ATIC: variants seen among roughly 807,000 people sequenced by gnomAD.
ATIC encodes 5-aminoimidazole-4-carboxamide ribonucleotide formyltransferase/IMP cyclohydrolase, also known as bifunctional purine biosynthesis protein ATIC.
Under a neutral mutation model 72.5 loss-of-function variants are expected in ATIC, and 64 were observed. The ratio of observed to expected loss-of-function variants is 0.88; its 90% CI spans 0.72 to 1.09. ATIC has a LOEUF of 1.09. Among genes scored for constraint, ATIC ranks in the 50% least tolerant of loss-of-function variants. The pLI, the probability that ATIC is intolerant of heterozygous loss-of-function variation, is 0.00. For synonymous variants in ATIC, 281 were observed against 267.1 expected, an observed-to-expected ratio of 1.05 and a Z score of -0.51; for missense variants, 787 against 732.4, an observed-to-expected ratio of 1.07 and a Z score of -0.86.
chr2:215,318,512 A>G (rs535034335), intron 3 of ATIC, among the ~76,000 whole-genome samples: 3 of 152,316 alleles, frequency 2.0e-5, no homozygotes, highest in Non-Finnish European at 2.9e-5. Flanking sequence ...GTTGCTGAAG[A>G]TATTTAGATT....
the ATIC span, chr2:215,365,461 G>T: frequency 6.3e-7 from 1 of 1,598,498 alleles, no homozygotes; most frequent in South Asian, 1.1e-5. Flanking sequence ...TAATGAAAGT[G>T]AGAATGCTTA....
intron 12 of ATIC, among the ~76,000 whole-genome samples, chr2:215,340,082 T>TAGAA (rs2053003259): frequency 2.6e-5 from 4 of 152,206 alleles, no homozygotes; most frequent in African/African-American, 9.6e-5. Flanking sequence ...GTGGATCTTC[T>TAGAA]GATGGATATT....
intron 12 of ATIC, among the ~76,000 whole-genome samples, chr2:215,341,647 G>C (rs1007972572): frequency 1.3e-5 from 2 of 152,176 alleles, no homozygotes; most frequent in African/African-American, 4.8e-5. Flanking sequence ...CAGACAGGTG[G>C]ATGGAATGTT....
intron 13 of ATIC, 65 bp downstream of exon 13, chr2:215,344,936 GT>G: frequency 6.7e-7 from 1 of 1,485,142 alleles, no homozygotes; most frequent in Non-Finnish European, 9.4e-7. Context: ...TTAAACATCC[GT>G]CTGCCTTAGA....
At chr2:215,326,753 G>C (rs552734441) in intron 6 of ATIC, 69 bp from the exon 7 acceptor site, 1 of 1,584,448 alleles carries the variant, frequency 6.3e-7, no homozygotes, top group African/African-American at 1.3e-5. Context: ...TGCTGTGGAC[G>C]TAGAAAACCA....
In ATIC at chr2:215,338,908, G is replaced by A. The variant is rs758639646; in HGVS notation, c.1227+1G>A. 2 of 1,613,114 alleles carry A rather than the reference G, an allele frequency of 1.2e-6. No individual in the cohort carries two copies. Among genetic ancestry groups the A allele is most frequent in the Non-Finnish European group, 1.7e-6 (2 of 1,179,416 alleles). ...CAATGTTGTTACCAAAAATAAAGAT[G>A]TAAGTTGGGAAGTATCTGAACTGAC... On this transcript the variant is annotated splice_donor_variant, in intron 12 of 15. Coordinates refer to ENST00000236959, the MANE Select transcript of ATIC (RefSeq NM_004044.7). LOFTEE classifies it high-confidence loss of function.
chr2:215,318,753 G>C (rs2052736656), intron 3 of ATIC, among the ~76,000 whole-genome samples: 1 of 152,168 alleles, frequency 6.6e-6, no homozygotes, highest in Non-Finnish European at 1.5e-5. Context: ...ACAAGCCATT[G>C]ACTTACAGAA....
the ATIC span, among the ~76,000 whole-genome samples, chr2:215,359,506 T>C: frequency 6.6e-6 from 1 of 152,322 alleles, no homozygotes; most frequent in East Asian, 1.9e-4. Context: ...TTTTGTACTT[T>C]CTGTGATTTT....
chr2:215,358,817 A>G, the ATIC span, among the ~76,000 whole-genome samples: 4 of 152,242 alleles, frequency 2.6e-5, no homozygotes, highest in African/African-American at 9.6e-5. Context: ...ATTTCAACAT[A>G]AAAGTAAAGG....
At chr2:215,348,117 A>G (rs143115150) in intron 14 of ATIC, among the ~76,000 whole-genome samples, 4 of 152,280 alleles carry the variant, frequency 2.6e-5, no homozygotes, top group East Asian at 1.9e-4. Flanking sequence ...TCATTGCCCA[A>G]TAACTTTCTA....
At chr2:215,351,178 C>T (rs547544731), downstream of ATIC, among the ~76,000 whole-genome samples, 17 of 152,332 alleles carry the variant, frequency 1.1e-4, no homozygotes, top group South Asian at 3.3e-3. Context: ...ATCTTGCTTA[C>T]ACTAGTTGCC....
At chr2:215,335,723 T>C (rs556258648) in intron 10 of ATIC, among the ~76,000 whole-genome samples, 14 of 152,246 alleles carry the variant, frequency 9.2e-5, no homozygotes, top group Non-Finnish European at 1.6e-4. Flanking sequence ...GAATGTGCTC[T>C]TGCTCATTCA....
the ATIC span, chr2:215,362,193 C>T: frequency 1.4e-6 from 1 of 736,552 alleles, no homozygotes; most frequent in South Asian, 1.5e-5. Flanking sequence ...AAAATATAAG[C>T]AGTTAATCAC....
chr2:215,347,839 A>G (rs971886387), intron 14 of ATIC, among the ~76,000 whole-genome samples: 1 of 152,206 alleles, frequency 6.6e-6, no homozygotes, highest in African/African-American at 2.4e-5. Context: ...CTTGTAAAAT[A>G]TGATTAACTG....
downstream of ATIC, among the ~76,000 whole-genome samples, chr2:215,351,333 C>T (rs1228581281): frequency 1.3e-5 from 2 of 152,178 alleles, no homozygotes; most frequent in East Asian, 1.9e-4. Context: ...GAGATGCATA[C>T]TGTTGTTAAG....
intron 12 of ATIC, 112 bp from the exon 13 acceptor site, chr2:215,344,667 G>A: frequency 1.0e-6 from 1 of 1,004,610 alleles, no homozygotes; most frequent in Non-Finnish European, 1.5e-6. Flanking sequence ...CTGGGAGACA[G>A]AGTGAGACTC....
chr2:215,365,353 T>C, the ATIC span: 1 of 856,548 alleles, frequency 1.2e-6, no homozygotes, highest in African/African-American at 1.7e-5. Flanking sequence ...GAAGCTTGTC[T>C]CCACTTTCCC....
the ATIC span, chr2:215,367,969 G>A: frequency 6.2e-7 from 1 of 1,614,202 alleles, no homozygotes; most frequent in Non-Finnish European, 8.5e-7. Context: ...CGGCATAATG[G>A]GAAACTGTGT....
rs759487600 is a variant in ATIC, at chr2:215,336,213, C to G, written c.1098+89C>G. The G allele has an allele frequency of 4.0e-5, 40 of 991,826 alleles. No homozygotes were observed. The Middle Eastern group carries it at 1.5e-3, about 36-fold the overall frequency. The allele number at this position is 991,826 out of a possible 1,614,324, so 61.4% of individuals were successfully genotyped here. A position where few individuals can be genotyped will look rare whatever the true frequency, so the allele number is the denominator to read the frequency against. On this transcript the variant is annotated intron_variant, in intron 11 of 15. Transcript: ENST00000236959. ...TTTACTCTTTCCTTTATACTCATAC[C>G]CTTCTAGTTTATCCTTATTATAGTT...
Sources: gnomAD v4.1 joint callset for allele counts (sites outside exome capture counted in the v4.1 genomes callset) on GRCh38, gnomAD v4.1.1 for gene constraint, MANE v1.5 for transcripts, NCBI Gene and HGNC (gene_info 2026-07-23, HGNC 2026-07-21) for gene names.